Variants in ARMC9 observed in about 807,000 individuals in gnomAD.
ARMC9 encodes the protein lisH domain-containing protein ARMC9.
A neutral mutation model predicts 107.0 loss-of-function variants in ARMC9; 94 were observed. The observed-to-expected ratio is 0.88, with a 90% CI of 0.74 to 1.04. The LOEUF is 1.04. Among genes scored for constraint, ARMC9 ranks in the 50% least tolerant of loss-of-function variants. The pLI, the probability that ARMC9 is intolerant of heterozygous loss-of-function variation, is 0.00. For missense variants in ARMC9, 942 were observed against 1,030.1 expected (o/e 0.91, Z 1.17); for synonymous variants, 380 against 396.9 (o/e 0.96, Z 0.51).
intron 23 of ARMC9, among the ~76,000 whole-genome samples, chr2:231,365,024 G>T (rs1318305751): frequency 2.0e-5 from 3 of 152,208 alleles, no homozygotes; most frequent in Non-Finnish European, 4.4e-5. Flanking sequence ...TGTCAGCTGA[G>T]CCCCTGGTGG....
intron 12 of ARMC9, among the ~76,000 whole-genome samples, chr2:231,268,097 A>G (rs2039009134): frequency 6.6e-6 from 1 of 152,192 alleles, no homozygotes; most frequent in Non-Finnish European, 1.5e-5. Context: ...AGTCAAACAT[A>G]AGAGAATATA....
At chr2:231,327,797 T>G (rs1303000067) in intron 19 of ARMC9, among the ~76,000 whole-genome samples, 1 of 152,200 alleles carries the variant, frequency 6.6e-6, no homozygotes, top group East Asian at 1.9e-4. Flanking sequence ...TTTTTTGGTT[T>G]TTTTTGACAC....
At chr2:231,229,660 T>C (rs1424348361) in intron 7 of ARMC9, among the ~76,000 whole-genome samples, 3 of 152,234 alleles carry the variant, frequency 2.0e-5, no homozygotes, top group Non-Finnish European at 4.4e-5. Context: ...TAATGACTCA[T>C]ATTCATAAGT....
chr2:231,299,407 G>A (rs1268919964), intron 19 of ARMC9, among the ~76,000 whole-genome samples: 2 of 152,200 alleles, frequency 1.3e-5, no homozygotes, highest in African/African-American at 4.8e-5. Context: ...GGGGGGAATA[G>A]GAATAAGGAA....
At chr2:231,265,079 A>G (rs1411302067) in intron 12 of ARMC9, among the ~76,000 whole-genome samples, 5 of 151,854 alleles carry the variant, frequency 3.3e-5, no homozygotes, top group Admixed American at 2.0e-4. Context: ...GCCTGGCGAC[A>G]GAGTGAGACT....
intron 19 of ARMC9, among the ~76,000 whole-genome samples, chr2:231,331,265 C>G (rs970774907): frequency 6.6e-6 from 1 of 152,174 alleles, no homozygotes; most frequent in Admixed American, 6.5e-5. Flanking sequence ...TAGGTAGTGT[C>G]CAGTGTTTTT....
At chr2:231,356,948 A>C (rs1484629137) in intron 22 of ARMC9, among the ~76,000 whole-genome samples, 2 of 152,116 alleles carry the variant, frequency 1.3e-5, no homozygotes, top group South Asian at 2.1e-4. Context: ...TCCACAGTAC[A>C]TTCAGGGTAA....
chr2:231,358,162 G>A lies in ARMC9; in HGVS notation c.2131+2228G>A, dbSNP rs1439888991. Among the ~76,000 whole-genome samples the A allele has an allele frequency of 2.0e-5, 3 of 152,138 alleles. No homozygotes were observed. The highest frequency in any genetic ancestry group is 6.5e-5 in the Admixed American group (1 of 15,268). On this transcript the variant is annotated intron_variant, in intron 22 of 24. Coordinates refer to ENST00000611582, the MANE Select transcript of ARMC9 (RefSeq NM_001352754.2). The surrounding 1 kb of genome is among the most constrained non-coding windows in gnomAD (Gnocchi z 4.5). Reference sequence around the variant, plus strand: ...TTGCAGATAGGGGGACTGCGGTTAAGTCCATTAAGCCAGGGTATGAATGAG... The same window carrying A: ...TTGCAGATAGGGGGACTGCGGTTAAATCCATTAAGCCAGGGTATGAATGAG...
chr2:231,333,837 G>C (rs1020258050), intron 20 of ARMC9, among the ~76,000 whole-genome samples: 4 of 152,256 alleles, frequency 2.6e-5, no homozygotes, highest in Admixed American at 2.0e-4. Context: ...ACAGAAGCTT[G>C]AATACAGCGC....
At chr2:231,350,681 G>A (rs1254104689) in intron 21 of ARMC9, among the ~76,000 whole-genome samples, 2 of 151,700 alleles carry the variant, frequency 1.3e-5, no homozygotes, top group Non-Finnish European at 2.9e-5. Context: ...TGGTGGGCAT[G>A]TTCTTGAGGG....
At chr2:231,215,687 G>T (rs1360219814) in intron 4 of ARMC9, among the ~76,000 whole-genome samples, 1 of 152,192 alleles carries the variant, frequency 6.6e-6, no homozygotes, top group Non-Finnish European at 1.5e-5. Context: ...GGCAGCAGAG[G>T]CAAGCTGGCA....
chr2:231,367,169 A>T (rs1016747322), intron 23 of ARMC9, among the ~76,000 whole-genome samples: 2 of 152,102 alleles, frequency 1.3e-5, no homozygotes, highest in African/African-American at 2.4e-5. Flanking sequence ...AATTTTAAAA[A>T]ATTATTTTTA....
chr2:231,357,574 TTTTAC>T (rs2045395575), intron 22 of ARMC9, among the ~76,000 whole-genome samples: 1 of 146,856 alleles, frequency 6.8e-6, no homozygotes, highest in Admixed American at 6.6e-5. Context: ...TTTTATTTTA[TTTTAC>T]TTTATTTTAT....
In ARMC9 at chr2:231,349,988, T is replaced by A. The variant is rs545848760; in HGVS notation, c.1994+4898T>A. The stretch of plus-strand genomic sequence containing the variant: ...TGCCTGTATCAAAACAATTCACATA[T>A]ACTATACATATATACACCTACTGTA... On this transcript the variant is annotated intron_variant, in intron 21 of 24. Transcript: ENST00000611582. Among the ~76,000 whole-genome samples the A allele has an allele frequency of 6.4e-4, 96 of 150,976 alleles. 1 individual carries two copies. The South Asian group carries it at 0.019, about 31-fold the overall frequency.
intron 5 of ARMC9, among the ~76,000 whole-genome samples, chr2:231,219,296 T>C (rs1433066018): frequency 6.6e-6 from 1 of 152,228 alleles, no homozygotes; most frequent in African/African-American, 2.4e-5. Context: ...CTCTTCCATC[T>C]GGGATAGTCG....
chr2:231,350,354 T>C (rs555775397), intron 21 of ARMC9, among the ~76,000 whole-genome samples: 71 of 152,024 alleles, frequency 4.7e-4, no homozygotes, highest in Admixed American at 1.5e-3. Context: ...AACAAAAATA[T>C]TACGGTACTT....
chr2:231,228,019 C>A (rs763290209), intron 7 of ARMC9, among the ~76,000 whole-genome samples: 4 of 152,182 alleles, frequency 2.6e-5, no homozygotes, highest in Non-Finnish European at 5.9e-5. Flanking sequence ...TTGCCCTACC[C>A]CCAGTACAGT....
intron 9 of ARMC9, among the ~76,000 whole-genome samples, chr2:231,249,381 G>C (rs72983690): frequency 0.028 from 4,222 of 152,152 alleles, 81 homozygotes; most frequent in Non-Finnish European, 0.039. Flanking sequence ...TCAGTCTCCA[G>C]TTAGATCGGA....
chr2:231,329,342 C>T (rs2043559647), intron 19 of ARMC9, among the ~76,000 whole-genome samples: 1 of 151,804 alleles, frequency 6.6e-6, no homozygotes, highest in South Asian at 2.1e-4. Flanking sequence ...CAGAATTTTG[C>T]TCTTTTTGCC....
Sources: gnomAD v4.1 joint callset for allele counts (sites outside exome capture counted in the v4.1 genomes callset) on GRCh38, gnomAD v4.1.1 for gene constraint, Gnocchi (gnomAD v3.1) non-coding constraint, MANE v1.5 for transcripts, NCBI Gene and HGNC (gene_info 2026-07-23, HGNC 2026-07-21) for gene names.